The following ITSN2 variants were observed in gnomAD, a reference collection of about 807,000 sequenced individuals.
The protein encoded by ITSN2 is intersectin-2.
ITSN2 carries 156 observed loss-of-function variants against 243.7 expected under a neutral mutation model. The observed-to-expected ratio is 0.64, with a 90% CI of 0.56 to 0.73. The LOEUF is 0.73. ITSN2 is among the 30% of genes least tolerant of loss of function. ITSN2 has a pLI of 0.00. For missense variants in ITSN2, 1,801 were observed against 1,996.1 expected, an observed-to-expected ratio of 0.90 and a Z score of 1.86; for synonymous variants, 703 against 699.9, an observed-to-expected ratio of 1.00 and a Z score of -0.07.
chr2:24,277,731 A>G (rs1213090728), intron 17 of ITSN2, among the ~76,000 whole-genome samples: 1 of 152,204 alleles, frequency 6.6e-6, no homozygotes, highest in Non-Finnish European at 1.5e-5. Context: ...ATTATGGTAC[A>G]AGGGTGTCCA....
In ITSN2 at chr2:24,205,255, T is replaced by C. The variant is rs751516293; in HGVS notation, c.4721A>G (p.His1574Arg). The C allele has an allele frequency of 2.9e-5, 47 of 1,613,924 alleles. No individual in the cohort carries two copies. The highest frequency in any genetic ancestry group is 2.2e-4 in the South Asian group (20 of 91,080). The change falls in exon 38 of 40, where the codon CAT (histidine) becomes CGT (arginine). Residue 1574 changes from histidine (H) to arginine (R), a missense_variant. By Grantham distance (29) the His-to-Arg change is conservative. This residue lies in a region of ITSN2 where 928 missense variants were observed against 1,065.4 expected (regional missense o/e 0.87). Transcript: ENST00000355123. The stretch of plus-strand genomic sequence containing the variant: ...TTTTAATTCTGTAGCTTCAATGACA[T>C]GCACCATCAGGCGCCCAATGCCTGA... ...KTSGIGRLMV[H>R]VIEATELKAC...
intron 15 of ITSN2, among the ~76,000 whole-genome samples, chr2:24,288,546 A>G (rs1679820784): frequency 6.6e-6 from 1 of 152,124 alleles, no homozygotes; most frequent in South Asian, 2.1e-4. Flanking sequence ...TGTCTTTTGT[A>G]ATCAACAAAT....
At chr2:24,267,099 C>T (rs935682748) in intron 20 of ITSN2, among the ~76,000 whole-genome samples, 27 of 152,154 alleles carry the variant, frequency 1.8e-4, no homozygotes, top group African/African-American at 5.5e-4. Context: ...ACATGGATGA[C>T]GCTGAAAACC....
chr2:24,352,696 A>G (rs1688130731), intron 1 of ITSN2, among the ~76,000 whole-genome samples: 1 of 152,238 alleles, frequency 6.6e-6, no homozygotes, highest in Non-Finnish European at 1.5e-5. Context: ...ATAAAAGGAC[A>G]GGAATAGCAA....
intron 15 of ITSN2, among the ~76,000 whole-genome samples, chr2:24,289,465 T>G (rs907681594): frequency 6.6e-6 from 1 of 152,232 alleles, no homozygotes; most frequent in Non-Finnish European, 1.5e-5. Flanking sequence ...GTCCTACAAC[T>G]TTACTCAATT....
intron 8 of ITSN2, among the ~76,000 whole-genome samples, chr2:24,306,581 G>A (rs182386815): frequency 1.5e-3 from 232 of 152,248 alleles, no homozygotes; most frequent in African/African-American, 5.2e-3. Flanking sequence ...TAAATATACT[G>A]TCATTTATCT....
intron 16 of ITSN2, among the ~76,000 whole-genome samples, 179 bp downstream of exon 16, chr2:24,286,033 C>T (rs942613921): frequency 6.6e-5 from 10 of 152,048 alleles, no homozygotes; most frequent in African/African-American, 2.4e-4. Flanking sequence ...AGTTATATGA[C>T]ACTATGTCAT....
At chr2:24,325,728 T>C (rs1055063055) in intron 2 of ITSN2, among the ~76,000 whole-genome samples, 6 of 152,228 alleles carry the variant, frequency 3.9e-5, no homozygotes, top group African/African-American at 1.4e-4. Flanking sequence ...CCGCTTCCCC[T>C]AACTCATCAC....
chr2:24,212,552 G>A, intron 33 of ITSN2, 98 bp downstream of exon 33: 1 of 841,208 alleles, frequency 1.2e-6, no homozygotes, highest in East Asian at 2.5e-5. Context: ...TGTGCAGGGT[G>A]AGGTGGCATG....
intron 1 of ITSN2, 29 bp from the exon 2 acceptor site, chr2:24,328,144 T>C: frequency 6.4e-7 from 1 of 1,555,868 alleles, no homozygotes. Flanking sequence ...GTGCCGTTGA[T>C]AATACAACAA....
chr2:24,330,843 T>C (rs974318031), intron 1 of ITSN2, among the ~76,000 whole-genome samples: 3 of 152,104 alleles, frequency 2.0e-5, no homozygotes, highest in Non-Finnish European at 4.4e-5. Context: ...CTTGGCTCAC[T>C]GCAACCTCCA....
chr2:24,328,261 G>A, intron 1 of ITSN2, 146 bp from the exon 2 acceptor site: 1 of 572,484 alleles, frequency 1.7e-6, no homozygotes, highest in Non-Finnish European at 3.1e-6. Flanking sequence ...TGCTGAACAG[G>A]CAGAATTTAC....
chr2:24,297,407 C>T (rs1681107898), intron 13 of ITSN2, among the ~76,000 whole-genome samples: 1 of 152,178 alleles, frequency 6.6e-6, no homozygotes, highest in Admixed American at 6.5e-5. Context: ...AGTCTTTTAA[C>T]AACTTGACCC....
intron 1 of ITSN2, among the ~76,000 whole-genome samples, chr2:24,332,602 G>T (rs1685913742): frequency 6.6e-6 from 1 of 152,070 alleles, no homozygotes. Flanking sequence ...ATTAACTGTG[G>T]TAACATCTAA....
rs1681830956 is a variant in ITSN2, at chr2:24,302,065, C to T, written c.895G>A (p.Ala299Thr). 6.2e-7 allele frequency: 1 copy of T among 1,611,934 alleles called. No homozygotes were observed. The highest frequency in any genetic ancestry group is 1.3e-5 in the African/African-American group (1 of 74,770). ...ADVDGDGQLK[A>T]EEFILAMHLT... ...TGCATTGCAAGAATAAACTCTTCTGCTTTTAGCTGTCCATCACCATCAACG... is the reference window on the plus strand; with the variant it reads ...TGCATTGCAAGAATAAACTCTTCTGTTTTTAGCTGTCCATCACCATCAACG... The change falls in exon 10 of 40, where the codon GCA (alanine) becomes ACA (threonine). Residue 299 changes from alanine (A) to threonine (T), a missense_variant. Ala to Thr is a moderately conservative substitution (Grantham distance 58, BLOSUM62 0). This residue lies in a region of ITSN2 where 787 missense variants were observed against 803.9 expected (regional missense o/e 0.98). Coordinates refer to ENST00000355123, the MANE Select transcript of ITSN2 (RefSeq NM_006277.3).
In ITSN2 at chr2:24,225,338, C is replaced by A. The variant is rs1260787890; in HGVS notation, c.3578-4272G>T. On this transcript the variant is annotated intron_variant, in intron 29 of 39. Coordinates refer to ENST00000355123, the MANE Select transcript of ITSN2 (RefSeq NM_006277.3). The surrounding 1 kb of genome is among the most constrained non-coding windows in gnomAD (Gnocchi z 4.2). ...GCAAATGTCACTAGAGGGGTTTACA[C>A]CCATGGCCAACTCTCGCTAGCTTTC... Among the ~76,000 whole-genome samples, 1 of 152,202 alleles carries A rather than the reference C, an allele frequency of 6.6e-6. No homozygotes were observed. The highest frequency in any genetic ancestry group is 2.4e-5 in the African/African-American group (1 of 41,462).
chr2:24,360,862 G>C (rs1688933117), upstream of ITSN2: 1 of 152,554 alleles, frequency 6.6e-6, no homozygotes. Flanking sequence ...CGGGGTTTTG[G>C]AAAGTCCCAA....
intron 21 of ITSN2, 60 bp downstream of exon 21, chr2:24,261,501 A>G (rs1675847103): frequency 3.1e-6 from 4 of 1,286,266 alleles, no homozygotes; most frequent in Non-Finnish European, 4.5e-6. Context: ...ACACCATTAT[A>G]TATTAGGTAT....
chr2:24,354,425 T>G (rs1404377769), intron 1 of ITSN2, among the ~76,000 whole-genome samples: 1 of 152,228 alleles, frequency 6.6e-6, no homozygotes, highest in Non-Finnish European at 1.5e-5. Flanking sequence ...CCAGTCACGG[T>G]GTAAAACAAA....
Sources: allele counts gnomAD v4.1 joint callset (sites outside exome capture counted in the v4.1 genomes callset), GRCh38; gene constraint gnomAD v4.1.1; regional missense constraint gnomAD v4.1.1; non-coding constraint Gnocchi (gnomAD v3.1); transcripts MANE v1.5; gene names NCBI Gene and HGNC (gene_info 2026-07-23, HGNC 2026-07-21).